The following ALG8 variants were observed in gnomAD, a reference collection of about 807,000 sequenced individuals.
ALG8 encodes the protein ALG8 alpha-1,3-glucosyltransferase.
Under a neutral mutation model 70.2 loss-of-function variants are expected in ALG8, and 48 were observed. The ratio of observed to expected loss-of-function variants is 0.68; its 90% confidence interval spans 0.54 to 0.87. ALG8 has a LOEUF of 0.87. ALG8 is among the 40% of genes least tolerant of loss of function. ALG8 has a pLI of 0.00. For missense variants in ALG8, 572 were observed against 608.7 expected (o/e 0.94, Z 0.64); for synonymous variants, 234 against 229.0 (o/e 1.02, Z -0.20).
Position 78,124,029 on chromosome 11 carries a change from A to G in ALG8, c.360T>C (p.Ala120=). The change falls in exon 3 of 13, where the codon GCT becomes GCC. Residue 120 remains alanine, a synonymous_variant. Transcript: ENST00000299626. Reference sequence around the variant, plus strand: ...ACATGCTCCAGACTTACTCACGGACAGCATACACAAAGAGTACATCCATAA... The same window carrying G: ...ACATGCTCCAGACTTACTCACGGACGGCATACACAAAGAGTACATCCATAA... The part of the protein sequence containing the change: ...VIFMDVLFVY[A]VRECCKCIDG... 1 of 1,614,188 alleles carries G rather than the reference A, an allele frequency of 6.2e-7. No homozygotes were observed. Among genetic ancestry groups the G allele is most frequent in the Admixed American group, 1.7e-5 (1 of 60,018 alleles).
At chr11:78,138,677 G>A (rs1006178563) in intron 1 of ALG8, 12 of 453,782 alleles carry the variant, frequency 2.6e-5, no homozygotes, top group African/African-American at 1.4e-4. Context: ...AAGGGAAGGC[G>A]GAAGCCAATA....
chr11:78,120,203 T>G (rs1414163162), intron 4 of ALG8, among the ~76,000 whole-genome samples: 1 of 152,134 alleles, frequency 6.6e-6, no homozygotes, highest in Non-Finnish European at 1.5e-5. Flanking sequence ...AAATTTATGT[T>G]TAAGAAGAAA....
chr11:78,104,669 G>C (rs577832118), intron 10 of ALG8: 5 of 483,386 alleles, frequency 1.0e-5, no homozygotes, highest in African/African-American at 9.8e-5. Flanking sequence ...TATCGTAAAA[G>C]AATCTTGCTT....
intron 5 of ALG8, among the ~76,000 whole-genome samples, chr11:78,115,408 A>C (rs2136906940): frequency 6.6e-6 from 1 of 150,950 alleles, no homozygotes; most frequent in South Asian, 2.1e-4. Flanking sequence ...TTTGAGACGG[A>C]GTTTTGTTCT....
Position 78,133,758 on chromosome 11 carries a change from C to T in ALG8, c.95+5736G>A, listed in dbSNP as rs112903877. 1.2e-4 allele frequency among the ~76,000 whole-genome samples: 19 copies of T among 152,034 alleles called. No homozygotes were observed. In the South Asian group the frequency reaches 2.9e-3, roughly 23 times the overall value. On this transcript the variant is annotated intron_variant, in intron 1 of 12. Transcript: ENST00000299626. Reference sequence around the variant, plus strand: ...TACTAAAAATACAAAAAAAATTAGCCGGGCTTGGTGAGGGGCGCCTGTAGG... The same window carrying T: ...TACTAAAAATACAAAAAAAATTAGCTGGGCTTGGTGAGGGGCGCCTGTAGG...
Position 78,104,347 on chromosome 11 carries a change from G to A in ALG8, c.1276+9C>T, listed in dbSNP as rs747836496. 10 of 1,570,612 alleles carry A rather than the reference G, an allele frequency of 6.4e-6. No homozygotes were observed. Among genetic ancestry groups the A allele is most frequent in the Non-Finnish European group, 8.6e-6 (10 of 1,158,614 alleles). On this transcript the variant is annotated intron_variant, in intron 11 of 12. Coordinates refer to ENST00000299626, the MANE Select transcript of ALG8 (RefSeq NM_024079.5). ...GTCAAATATATTTTTCTCAGAAGAC[G>A]CTGTTTACCTGGTGCAGTGAAGAGC...
At chr11:78,134,485 T>C (rs182875091) in intron 1 of ALG8, among the ~76,000 whole-genome samples, 8 of 152,336 alleles carry the variant, frequency 5.3e-5, no homozygotes, top group African/African-American at 1.7e-4. Flanking sequence ...GCTTGCCACA[T>C]TGATGGGCTC....
Position 78,104,387 on chromosome 11 carries a change from A to ATT in ALG8, c.1244_1245insAA (p.Tyr415Ter), listed in dbSNP as rs1489068501. The ATT allele has an allele frequency of 2.5e-6, 4 of 1,601,030 alleles. No individual in the cohort carries two copies. The highest frequency in any genetic ancestry group is 2.7e-5 in the African/African-American group (2 of 74,922). Residue 415 changes from tyrosine to a stop codon, truncating the protein, a stop_gained and frameshift_variant, in exon 11 of 13, where the codon TAT becomes TAAAT. Coordinates refer to ENST00000299626, the MANE Select transcript of ALG8 (RefSeq NM_024079.5). LOFTEE classifies it high-confidence loss of function. ...IFLILTTTGH[Y>*]SLFPLLFTAP... ...CAGTGAAGAGCAGAGGAAAGAGGGA[A>ATT]TAATGTCCTGTTGTGGTCAGAATCA...
At chr11:78,113,235 A>G (rs750100363) in intron 7 of ALG8, among the ~76,000 whole-genome samples, 36 of 152,246 alleles carry the variant, frequency 2.4e-4, no homozygotes, top group Admixed American at 5.9e-4. Context: ...TCTGCTGTCC[A>G]TGTAAGACTG....
At chr11:78,108,090 C>T (rs1221917707) in intron 9 of ALG8, among the ~76,000 whole-genome samples, 8 of 151,682 alleles carry the variant, frequency 5.3e-5, no homozygotes, top group Admixed American at 5.3e-4. Context: ...CCATCCTGGA[C>T]AACATGGTGA....
intron 1 of ALG8, chr11:78,138,613 T>C: frequency 4.8e-6 from 2 of 417,418 alleles, no homozygotes; most frequent in Non-Finnish European, 9.6e-6. Context: ...AACTAGGAAG[T>C]GGGAGGGAAA....
intron 1 of ALG8, among the ~76,000 whole-genome samples, chr11:78,132,059 A>G (rs539528150): frequency 6.6e-6 from 1 of 152,138 alleles, no homozygotes; most frequent in East Asian, 1.9e-4. Context: ...CTTACTCTAC[A>G]TTCACCTTTT....
In ALG8 at chr11:78,138,158, C is replaced by T. The variant is rs367959479; in HGVS notation, c.95+1336G>A. 6.6e-5 allele frequency among the ~76,000 whole-genome samples: 10 copies of T among 151,812 alleles called. No homozygotes were observed. In the South Asian group the frequency reaches 8.3e-4, roughly 13 times the overall value. On this transcript the variant is annotated intron_variant, in intron 1 of 12. Coordinates refer to ENST00000299626, the MANE Select transcript of ALG8 (RefSeq NM_024079.5). ...GTCAGGAGATTTGAGATCAGCCCTC[C>T]GCCATCATGGTGAAACCCCATCTCT...
chr11:78,114,735 G>A (rs1238387195), intron 5 of ALG8: 11 of 446,650 alleles, frequency 2.5e-5, no homozygotes, highest in African/African-American at 1.2e-4. Flanking sequence ...GTAAGCCGAC[G>A]TGGAAGGATT....
intron 1 of ALG8, among the ~76,000 whole-genome samples, chr11:78,136,633 G>C (rs556532778): frequency 6.6e-6 from 1 of 152,286 alleles, no homozygotes. Flanking sequence ...GGGCTTTGTT[G>C]TTCCATTTAT....
intron 1 of ALG8, among the ~76,000 whole-genome samples, chr11:78,136,066 G>C (rs916753952): frequency 6.6e-6 from 1 of 151,886 alleles, no homozygotes; most frequent in East Asian, 1.9e-4. Context: ...GCTACTTGGG[G>C]AGCTGAGATG....
At chr11:78,114,878 G>GACAGGA in intron 5 of ALG8, 9 of 250,008 alleles carry the variant, frequency 3.6e-5, no homozygotes, top group South Asian at 1.4e-4. Context: ...TGGAGGCTGA[G>GACAGGA]GTGAGAGAAT....
rs575805704 is a variant in ALG8 at position 78,113,726 on chromosome 11, A to C, written c.777+160T>G. Among the ~76,000 whole-genome samples the C allele has an allele frequency of 5.6e-4, 85 of 151,474 alleles. 1 individual carries two copies. Among genetic ancestry groups the C allele is most frequent in the East Asian group, 4.8e-3 (25 of 5,162 alleles). On this transcript the variant is annotated intron_variant, in intron 7 of 12. Coordinates refer to ENST00000299626, the MANE Select transcript of ALG8 (RefSeq NM_024079.5). ...AGACTCCATCTTAAACAAAAACAAA[A>C]AAAAAAAAGGAATACTGCCCTATCT...
rs1400000850 is a variant in ALG8 at position 78,139,562 on chromosome 11, A to T, written c.27T>A (p.Gly9=). Residue 9 remains glycine (G), a synonymous_variant, in exon 1 of 13, where the codon GGT becomes GGA. Coordinates refer to ENST00000299626, the MANE Select transcript of ALG8 (RefSeq NM_024079.5). Reference sequence around the variant, plus strand: ...CCAAAGCCGAAAACCAATTGCCAGTACCCGTGGCAATTGTGAGCGCCGCCA... The same window carrying T: ...CCAAAGCCGAAAACCAATTGCCAGTTCCCGTGGCAATTGTGAGCGCCGCCA... MAALTIAT[G]TGNWFSALAL... The T allele has an allele frequency of 1.3e-6, 2 of 1,559,242 alleles. No individual in the cohort carries two copies. Among genetic ancestry groups the T allele is most frequent in the Non-Finnish European group, 1.7e-6 (2 of 1,151,134 alleles).
Sources: allele counts gnomAD v4.1 joint callset (sites outside exome capture counted in the v4.1 genomes callset), GRCh38; gene constraint gnomAD v4.1.1; transcripts MANE v1.5; gene names NCBI Gene and HGNC (gene_info 2026-07-23, HGNC 2026-07-21).